The following ELFN2 variants were observed in gnomAD, a reference collection of about 807,000 sequenced individuals.
The protein encoded by ELFN2 is protein phosphatase 1 regulatory subunit 29.
In ELFN2, 17 loss-of-function variants were observed where a neutral mutation model predicts 45.5. That is an observed-to-expected ratio of 0.37 (90% CI 0.26 to 0.56). The LOEUF is 0.56. Among genes scored for constraint, ELFN2 ranks in the 20% least tolerant of loss-of-function variants. The pLI, the probability that ELFN2 is intolerant of heterozygous loss-of-function variation, is 0.77. For missense variants in ELFN2, 922 were observed against 1,183.2 expected, an observed-to-expected ratio of 0.78 and a Z score of 3.24; for synonymous variants, 550 against 551.5, an observed-to-expected ratio of 1.00 and a Z score of 0.04.
Position 37,373,980 on chromosome 22 carries a change from C to T in ELFN2, c.1555G>A (p.Asp519Asn). ...AGGDGLARPE[D>N]DLPDLENGQG... ...CCGTTCTCGAGGTCCGGGAGGTCAT[C>T]CTCGGGCCGAGCCAGACCGTCCCCG... Residue 519 changes from aspartate (D) to asparagine (N), a missense_variant, in exon 3 of 3, where the codon GAT becomes AAT. By Grantham distance (23) the Asp-to-Asn change is conservative. Transcript: ENST00000402918. 1.2e-6 allele frequency: 2 copies of T among 1,613,012 alleles called. No homozygotes were observed. The highest frequency in any genetic ancestry group is 1.7e-6 in the Non-Finnish European group (2 of 1,179,970).
At chr22:37,358,339 G>A (rs1930998728) in intron 1 of ELFN2, among the ~76,000 whole-genome samples, 1 of 152,218 alleles carries the variant, frequency 6.6e-6, no homozygotes, top group Non-Finnish European at 1.5e-5. Flanking sequence ...CTTTACTCAA[G>A]TGAGTTCAAG....
At chr22:37,399,801 T>C (rs952076509) in intron 2 of ELFN2, among the ~76,000 whole-genome samples, 1 of 152,054 alleles carries the variant, frequency 6.6e-6, no homozygotes, top group African/African-American at 2.4e-5. Context: ...ACTTCACTTC[T>C]TCACCTCCCA....
intron 2 of ELFN2, among the ~76,000 whole-genome samples, chr22:37,397,737 TCTC>T (rs1237012258): frequency 6.6e-6 from 1 of 152,048 alleles, no homozygotes; most frequent in Non-Finnish European, 1.5e-5. Context: ...TCGGCATTGG[TCTC>T]CTGCCCACTT....
intron 1 of ELFN2, among the ~76,000 whole-genome samples, chr22:37,426,217 C>T (rs1372601425): frequency 8.5e-5 from 13 of 152,332 alleles, no homozygotes; most frequent in African/African-American, 2.9e-4. Context: ...CCGAGTACCA[C>T]GTTCCTCCCC....
At chr22:37,353,557 A>C (rs963332333) in intron 1 of ELFN2, 2 of 151,118 alleles carry the variant, frequency 1.3e-5, no homozygotes, top group Non-Finnish European at 3.0e-5. Context: ...TCTTAATTAC[A>C]AATCAATGAG....
chr22:37,347,068 C>G (rs1276918984), intron 1 of ELFN2, among the ~76,000 whole-genome samples: 1 of 152,036 alleles, frequency 6.6e-6, no homozygotes, highest in Non-Finnish European at 1.5e-5. Flanking sequence ...AACCTCTGCC[C>G]CCCCGGTTCA....
At chr22:37,396,667 C>T (rs1401712377) in intron 2 of ELFN2, among the ~76,000 whole-genome samples, 3 of 152,258 alleles carry the variant, frequency 2.0e-5, no homozygotes, top group Non-Finnish European at 2.9e-5. Context: ...CCCTTCCTGC[C>T]CCGACCCACT....
downstream of ELFN2, among the ~76,000 whole-genome samples, chr22:37,367,557 C>T (rs1931232089): frequency 6.6e-6 from 1 of 152,176 alleles, no homozygotes; most frequent in African/African-American, 2.4e-5. Flanking sequence ...GCTTTTCTCC[C>T]GGGAAGCAGC....
Position 37,372,956 on chromosome 22 carries a change from G to A in ELFN2, c.*116C>T. ...CGTGCGTGCGTGCGGGTCTGCATGT[G>A]CGTCCTCTCCTGGGCCTTGGCCCCC... On this transcript the variant is annotated 3_prime_UTR_variant, in exon 3 of 3. Transcript: ENST00000402918. The surrounding 1 kb of genome is among the most constrained non-coding windows in gnomAD (Gnocchi z 4.4). The A allele has an allele frequency of 8.2e-7, 1 of 1,226,434 alleles. No homozygotes were observed. The highest frequency in any genetic ancestry group is 1.5e-5 in the African/African-American group (1 of 65,820). The allele number at this position is 1,226,434 out of a possible 1,614,324, so 76.0% of individuals were successfully genotyped here.
rs1931569563 is a variant in ELFN2 at position 37,375,868 on chromosome 22, C to G, written c.-334G>C. On this transcript the variant is annotated 5_prime_UTR_variant, in exon 3 of 3. Coordinates refer to ENST00000402918, the MANE Select transcript of ELFN2 (RefSeq NM_052906.5). ...CCTCCTCCTCCTCCTCCTCCTCCTC[C>G]TCGTCTTCCTCCTTGGCTTCCGGGC... 7.6e-6 allele frequency: 3 copies of G among 395,628 alleles called. No homozygotes were observed. The highest frequency in any genetic ancestry group is 4.4e-5 in the Admixed American group (1 of 22,500). The allele number at this position is 395,628 out of a possible 1,614,324, so 24.5% of individuals were successfully genotyped here.
In ELFN2 at chr22:37,417,609, G is replaced by A. The variant is rs924811796; in HGVS notation, c.-463+160C>T. Among the ~76,000 whole-genome samples the A allele has an allele frequency of 6.6e-6, 1 of 152,344 alleles. No individual in the cohort carries two copies. Among genetic ancestry groups the A allele is most frequent in the African/African-American group, 2.4e-5 (1 of 41,588 alleles). ...CATAGGCCCTGTGGAAGGAAAGCTG[G>A]GTGGGAGGGGTGCCCACGGCTGGGG... On this transcript the variant is annotated intron_variant, in intron 2 of 2. Coordinates refer to ENST00000402918, the MANE Select transcript of ELFN2 (RefSeq NM_052906.5). The surrounding 1 kb of genome is among the most constrained non-coding windows in gnomAD (Gnocchi z 4.5).
intron 2 of ELFN2, among the ~76,000 whole-genome samples, chr22:37,410,142 G>A (rs1932609485): frequency 6.6e-6 from 1 of 152,134 alleles, no homozygotes; most frequent in Admixed American, 6.5e-5. Flanking sequence ...CCTGCGGCCT[G>A]AGAGACAGGC....
In ELFN2 at chr22:37,374,539, G is replaced by A. The variant is rs1202595930; in HGVS notation, c.996C>T (p.Tyr332=). 1.1e-5 allele frequency: 18 copies of A among 1,614,276 alleles called. No homozygotes were observed. In the East Asian group the frequency reaches 4.0e-4, roughly 36 times the overall value. Reference sequence around the variant, plus strand: ...TCTTGAGGGTCATGACGTCGGAGAAGTAGCTGTTGTTGTACTGCACGAGGA... The same window carrying A: ...TCTTGAGGGTCATGACGTCGGAGAAATAGCTGTTGTTGTACTGCACGAGGA... ...MYILVQYNNS[Y]FSDVMTLKNK... Residue 332 remains tyrosine (Y), a synonymous_variant, in exon 3 of 3, where the codon TAC becomes TAT. Coordinates refer to ENST00000402918, the MANE Select transcript of ELFN2 (RefSeq NM_052906.5).
intron 2 of ELFN2, among the ~76,000 whole-genome samples, chr22:37,388,451 A>C (rs1047363844): frequency 1.3e-5 from 2 of 152,212 alleles, no homozygotes; most frequent in African/African-American, 4.8e-5. Flanking sequence ...GGCTGAGTGA[A>C]GGAGGCCAGC....
intron 2 of ELFN2, among the ~76,000 whole-genome samples, chr22:37,408,087 A>T (rs1932551862): frequency 6.6e-6 from 1 of 152,200 alleles, no homozygotes. Context: ...GAGTTTCTCC[A>T]GGCCGGGTGT....
At chr22:37,367,305 A>G (rs1673069839), downstream of ELFN2, among the ~76,000 whole-genome samples, 1 of 152,194 alleles carries the variant, frequency 6.6e-6, no homozygotes, top group African/African-American at 2.4e-5. Context: ...CCAGAGAGAC[A>G]AGGCATCTCC....
At position 37,373,709 on chromosome 22, in the gene ELFN2, C is replaced by A; in HGVS notation, c.1826G>T (p.Ser609Ile). Reference sequence around the variant, plus strand: ...CTGGCGCTGTAGTGGGTGGTGGGAGCTCTCCTTGTAGGGAGGCGAAAGGAA... The same window carrying A: ...CTGGCGCTGTAGTGGGTGGTGGGAGATCTCCTTGTAGGGAGGCGAAAGGAA... ...PSFLSPPYKE[S>I]SHHPLQRQLS... is the part of the protein sequence containing the mutation. The change falls in exon 3 of 3, where the codon AGC (serine) becomes ATC (isoleucine). Residue 609 changes from serine to isoleucine, a missense_variant. Ser to Ile is a moderately radical substitution (Grantham distance 142). Transcript: ENST00000402918. 1 of 1,554,826 alleles carries A rather than the reference C, an allele frequency of 6.4e-7. No individual in the cohort carries two copies. Among genetic ancestry groups the A allele is most frequent in the Non-Finnish European group, 8.6e-7 (1 of 1,156,270 alleles).
At chr22:37,390,670 G>C (rs6000707) in intron 2 of ELFN2, among the ~76,000 whole-genome samples, 56,803 of 152,076 alleles carry the variant, frequency 0.37, 13,414 homozygotes, top group African/African-American at 0.67. Context: ...AAATACACGG[G>C]CAGGCTGGTC....
At chr22:37,399,759 T>G (rs1415876880) in intron 2 of ELFN2, among the ~76,000 whole-genome samples, 1 of 151,992 alleles carries the variant, frequency 6.6e-6, no homozygotes, top group Non-Finnish European at 1.5e-5. Context: ...CTGGCTCCCA[T>G]GAGATTGGAA....
Sources: allele counts gnomAD v4.1 joint callset (sites outside exome capture counted in the v4.1 genomes callset), GRCh38; gene constraint gnomAD v4.1.1; non-coding constraint Gnocchi (gnomAD v3.1); transcripts MANE v1.5; gene names NCBI Gene and HGNC (gene_info 2026-07-23, HGNC 2026-07-21).